The following PRPSAP2 variants were observed in gnomAD, a reference collection of about 807,000 sequenced individuals.
PRPSAP2 encodes the protein phosphoribosyl pyrophosphate synthetase associated protein 2.
PRPSAP2 carries 24 observed loss-of-function variants against 40.6 expected under a neutral mutation model. The observed-to-expected ratio is 0.59, with a 90% confidence interval of 0.43 to 0.83. The LOEUF (loss-of-function observed/expected upper bound fraction) is 0.83, where lower values mean the gene tolerates loss of function less well. Among genes scored for constraint, PRPSAP2 ranks in the 40% least tolerant of loss-of-function variants. The pLI is 0.00. For missense variants in PRPSAP2, 292 were observed against 465.6 expected (o/e 0.63, Z 3.43); for synonymous variants, 149 against 164.7 (o/e 0.90, Z 0.73).
At chr17:18,893,542 C>T (rs1196706587) in intron 8 of PRPSAP2, among the ~76,000 whole-genome samples, 1 of 151,848 alleles carries the variant, frequency 6.6e-6, no homozygotes, top group Non-Finnish European at 1.5e-5. Flanking sequence ...ATCACTTGAG[C>T]CCAGGAATTT....
chr17:18,893,894 G>A (rs773913968), intron 8 of PRPSAP2, among the ~76,000 whole-genome samples: 8 of 152,114 alleles, frequency 5.3e-5, no homozygotes, highest in Non-Finnish European at 1.2e-4. Flanking sequence ...TTGAGATGGA[G>A]TTTCACTCTT....
At chr17:18,890,201 C>T (rs1184094806) in intron 8 of PRPSAP2, among the ~76,000 whole-genome samples, 2 of 151,470 alleles carry the variant, frequency 1.3e-5, no homozygotes, top group Non-Finnish European at 2.9e-5. Context: ...TGGAGTTTCG[C>T]TCTTGTTGCC....
At chr17:18,895,521 T>C (rs779209922) in intron 8 of PRPSAP2, among the ~76,000 whole-genome samples, 1 of 152,012 alleles carries the variant, frequency 6.6e-6, no homozygotes, top group Non-Finnish European at 1.5e-5. Context: ...ATTGGGCTTT[T>C]TCAGAGATCG....
rs887845845 is a variant in PRPSAP2 at position 18,903,236 on chromosome 17, C to T, written c.585-7867C>T. Reference sequence around the variant, plus strand: ...TGAGGTCAGGAGAATTGCTTGAACCCGGGAGGCGGAGGTTGCGGTGAGCCC... The same window carrying T: ...TGAGGTCAGGAGAATTGCTTGAACCTGGGAGGCGGAGGTTGCGGTGAGCCC... On this transcript the variant is annotated intron_variant, in intron 8 of 11. Transcript: ENST00000268835. 1.0e-4 allele frequency among the ~76,000 whole-genome samples: 15 copies of T among 145,362 alleles called. No individual in the cohort carries two copies. In the East Asian group the frequency reaches 1.4e-3, roughly 14 times the overall value.
rs1256665177 is a variant in PRPSAP2 at position 18,928,847 on chromosome 17, G to T, written c.841G>T (p.Ala281Ser). Residue 281 changes from alanine (A) to serine (S), a missense_variant, in exon 11 of 12, where the codon GCA becomes TCA. Coordinates refer to ENST00000268835, the MANE Select transcript of PRPSAP2 (RefSeq NM_002767.4). The stretch of plus-strand genomic sequence containing the variant: ...TGATGATGTTGACAGCTTTCTTGCT[G>T]CAGCAGAGACCCTGAAGGAAAGAGG... ...IIDDVDSFLA[A>S]AETLKERGAY... 1 of 1,614,046 alleles carries T rather than the reference G, an allele frequency of 6.2e-7. No individual in the cohort carries two copies. The highest frequency in any genetic ancestry group is 8.5e-7 in the Non-Finnish European group (1 of 1,179,958).
chr17:18,858,358 GC>G (rs1380048707), intron 1 of PRPSAP2, 97 bp downstream of exon 1: 3 of 152,424 alleles, frequency 2.0e-5, no homozygotes, highest in Non-Finnish European at 4.4e-5. Context: ...CGCGGCGCCG[GC>G]AGGCGGACGG....
intron 8 of PRPSAP2, among the ~76,000 whole-genome samples, chr17:18,894,308 C>T (rs147158382): frequency 0.012 from 1,863 of 151,624 alleles, 16 homozygotes; most frequent in Admixed American, 0.02. Context: ...TACAGGCATG[C>T]GCCACCACGC....
At chr17:18,856,627 G>T (rs2036605399), upstream of PRPSAP2, among the ~76,000 whole-genome samples, 1 of 152,192 alleles carries the variant, frequency 6.6e-6, no homozygotes, top group Non-Finnish European at 1.5e-5. Context: ...AGCTAGCTCT[G>T]CAACCTCTGA....
chr17:18,866,374 T>A (rs1468873485), intron 3 of PRPSAP2, among the ~76,000 whole-genome samples: 1 of 152,058 alleles, frequency 6.6e-6, no homozygotes, highest in Non-Finnish European at 1.5e-5. Flanking sequence ...ACCATCCTAG[T>A]TAACAAGGTG....
At chr17:18,903,791 A>G (rs1417326484) in intron 8 of PRPSAP2, among the ~76,000 whole-genome samples, 1 of 152,158 alleles carries the variant, frequency 6.6e-6, no homozygotes, top group African/African-American at 2.4e-5. Flanking sequence ...CATGGCATCA[A>G]CACAGTAAAG....
intron 8 of PRPSAP2, among the ~76,000 whole-genome samples, chr17:18,891,283 A>G (rs1567707114): frequency 6.6e-6 from 1 of 152,220 alleles, no homozygotes; most frequent in South Asian, 2.1e-4. Flanking sequence ...AATTAAGAAT[A>G]GCACTTTAAT....
intron 9 of PRPSAP2, among the ~76,000 whole-genome samples, chr17:18,920,594 T>G (rs1363147496): frequency 6.6e-6 from 1 of 152,096 alleles, no homozygotes; most frequent in Non-Finnish European, 1.5e-5. Context: ...GCAAATAATA[T>G]ATGAAGGGAA....
In PRPSAP2 at chr17:18,923,997, C is replaced by G; in HGVS notation, c.804+13C>G. The G allele has an allele frequency of 6.3e-7, 1 of 1,594,748 alleles. No individual in the cohort carries two copies. The highest frequency in any genetic ancestry group is 8.6e-7 in the Non-Finnish European group (1 of 1,164,396). ...TGCCATCATCGTGGTATGTAGACCT[C>G]TTTTATTATTAATTCTAGTATTTGC... On this transcript the variant is annotated intron_variant, in intron 10 of 11. Coordinates refer to ENST00000268835, the MANE Select transcript of PRPSAP2 (RefSeq NM_002767.4).
intron 1 of PRPSAP2, among the ~76,000 whole-genome samples, chr17:18,864,555 T>A (rs1013726590): frequency 6.6e-6 from 1 of 152,128 alleles, no homozygotes; most frequent in African/African-American, 2.4e-5. Flanking sequence ...CCTCCCAAAG[T>A]GCTGGGATTA....
Position 18,865,899 on chromosome 17 carries a change from GT to G in PRPSAP2, c.70del (p.Ser24GlnfsTer19). 6.5e-7 allele frequency: 1 copy of G among 1,542,366 alleles called. No homozygotes were observed. Among genetic ancestry groups the G allele is most frequent in the Non-Finnish European group, 8.8e-7 (1 of 1,135,586 alleles). On this transcript the variant is annotated frameshift_variant, in exon 3 of 12. Transcript: ENST00000268835. LOFTEE classifies it high-confidence loss of function. ...MNITKGGLVL[F>X]SANSNSSCME... is the part of the protein sequence containing the mutation. The stretch of plus-strand genomic sequence containing the variant: ...ACATAACCAAAGGTGGTCTGGTGTT[GT>G]TTTCAGCAAACTCGAATTCATCATG...
rs1555552101 is a variant in PRPSAP2, at chr17:18,885,403, C to CACAA, written c.528+2721_528+2722insCAAA. On this transcript the variant is annotated intron_variant, in intron 7 of 11. Transcript: ENST00000268835. ...GGCGACAGAGTGAGATTCCTTCTCA[C>CACAA]AAAAAAAAAAAAAAAAAAAAAAAAA... 1.2e-3 allele frequency among the ~76,000 whole-genome samples: 13 copies of CACAA among 10,970 alleles called. 1 individual carries two copies. Among genetic ancestry groups the CACAA allele is most frequent in the Non-Finnish European group, 2.4e-3 (9 of 3,708 alleles). 7.2% of individuals were successfully genotyped at this position (10,970 alleles called of 152,430 possible).
At chr17:18,892,727 G>GTGTGTGTGTGTGTGTGTTTTTTTTTT (rs60288281) in intron 8 of PRPSAP2, among the ~76,000 whole-genome samples, 1 of 126,628 alleles carries the variant, frequency 7.9e-6, no homozygotes. Flanking sequence ...GTGTGTGTGT[G>GTGTGTGTGTGTGTGTGTTTTTTTTTT]TATTTATTTA....
chr17:18,904,666 G>A (rs1025444807), intron 8 of PRPSAP2: 2 of 152,244 alleles, frequency 1.3e-5, no homozygotes, highest in African/African-American at 4.8e-5. Flanking sequence ...ATGAGCAGTT[G>A]TTTTGACTAA....
intron 9 of PRPSAP2, among the ~76,000 whole-genome samples, chr17:18,921,094 G>T (rs1444261095): frequency 6.6e-6 from 1 of 152,042 alleles, no homozygotes; most frequent in South Asian, 2.1e-4. Flanking sequence ...AGGCTCAAGC[G>T]ATTTGTCCAC....
Sources: gnomAD v4.1 joint callset for allele counts (sites outside exome capture counted in the v4.1 genomes callset) on GRCh38, gnomAD v4.1.1 for gene constraint, MANE v1.5 for transcripts, NCBI Gene and HGNC (gene_info 2026-07-23, HGNC 2026-07-21) for gene names.